The following CNTN4 variants were observed in gnomAD, a reference collection of about 807,000 sequenced individuals.
CNTN4 encodes the protein contactin-4.
Under a neutral mutation model 122.5 loss-of-function variants are expected in CNTN4, and 77 were observed. The ratio of observed to expected loss-of-function variants is 0.63; its 90% confidence interval spans 0.52 to 0.76. The LOEUF is 0.76. Among genes scored for constraint, CNTN4 ranks in the 30% least tolerant of loss-of-function variants. The pLI, the probability that CNTN4 is intolerant of heterozygous loss-of-function variation, is 0.00. For synonymous variants in CNTN4, 512 were observed against 447.0 expected (o/e 1.15, Z -1.83); for missense variants, 1,256 against 1,259.1 (o/e 1.00, Z 0.04).
chr3:2,774,787 T>C (rs1162083289), intron 6 of CNTN4, among the ~76,000 whole-genome samples: 1 of 152,228 alleles, frequency 6.6e-6, no homozygotes, highest in Admixed American at 6.5e-5. Context: ...GACAACATCA[T>C]TTGGTTTCAA....
intron 4 of CNTN4, among the ~76,000 whole-genome samples, chr3:2,650,653 A>G (rs1318278554): frequency 1.3e-5 from 2 of 152,240 alleles, no homozygotes; most frequent in Non-Finnish European, 2.9e-5. Flanking sequence ...CTGATCAGTC[A>G]GCAGCCATCT....
At chr3:2,255,656 A>G (rs2040557151) in intron 2 of CNTN4, among the ~76,000 whole-genome samples, 1 of 152,180 alleles carries the variant, frequency 6.6e-6, no homozygotes, top group Admixed American at 6.5e-5. Flanking sequence ...GCACAACTAC[A>G]TGGAAACTGA....
chr3:2,967,698 G>GA (rs1368885105), intron 13 of CNTN4, among the ~76,000 whole-genome samples: 1 of 151,912 alleles, frequency 6.6e-6, no homozygotes, highest in Non-Finnish European at 1.5e-5. Flanking sequence ...TTTTTCAGAG[G>GA]AAAAAACTAT....
intron 3 of CNTN4, among the ~76,000 whole-genome samples, chr3:2,429,872 C>A (rs1279363003): frequency 6.6e-6 from 1 of 152,146 alleles, no homozygotes; most frequent in Non-Finnish European, 1.5e-5. Flanking sequence ...GGGCATGGGA[C>A]CCTCCAAGCC....
At chr3:2,294,003 C>T (rs1455063639) in intron 2 of CNTN4, among the ~76,000 whole-genome samples, 1 of 152,138 alleles carries the variant, frequency 6.6e-6, no homozygotes, top group Non-Finnish European at 1.5e-5. Context: ...CTGTTTCTAG[C>T]AGTTGAGTTG....
In CNTN4 at chr3:2,585,582, C is replaced by T. The variant is rs138654488; in HGVS notation, c.55+14024C>T. On this transcript the variant is annotated intron_variant, in intron 4 of 24. Transcript: ENST00000418658. ...GAAACCATCATTCTGAGCAAACTAT[C>T]GCATGGACAAAAAACCAAACACTGC... Among the ~76,000 whole-genome samples, 765 of 151,194 alleles carry T rather than the reference C, an allele frequency of 5.1e-3. 8 individuals carry two copies. Among genetic ancestry groups the T allele is most frequent in the East Asian group, 0.022 (113 of 5,096 alleles).
intron 2 of CNTN4, among the ~76,000 whole-genome samples, chr3:2,177,487 T>C (rs2036802778): frequency 6.6e-6 from 1 of 152,260 alleles, no homozygotes; most frequent in Non-Finnish European, 1.5e-5. Flanking sequence ...AATTCCTCCA[T>C]ACATATGAAT....
intron 13 of CNTN4, among the ~76,000 whole-genome samples, chr3:2,976,954 A>G (rs1577471824): frequency 6.6e-6 from 1 of 152,122 alleles, no homozygotes; most frequent in African/African-American, 2.4e-5. Context: ...ATGCCAATTA[A>G]TCTGCCAGGC....
In CNTN4 at chr3:2,841,749, G is replaced by GAT. The variant is rs2093365746; in HGVS notation, c.454+22170_454+22171dup. Among the ~76,000 whole-genome samples the GAT allele has an allele frequency of 6.6e-6, 1 of 152,152 alleles. No individual in the cohort carries two copies. Among genetic ancestry groups the GAT allele is most frequent in the South Asian group, 2.1e-4 (1 of 4,824 alleles). On this transcript the variant is annotated intron_variant, in intron 7 of 24. Coordinates refer to ENST00000418658, the MANE Select transcript of CNTN4 (RefSeq NM_175607.3). The surrounding 1 kb of genome is among the most constrained non-coding windows in gnomAD (Gnocchi z 4.8). ...GTTATTAAAAATATGTTTCACTCATGATAACATGATCATTTTCAGGAATTT... is the reference window on the plus strand; with the variant it reads ...GTTATTAAAAATATGTTTCACTCATGATATAACATGATCATTTTCAGGAATTT...
chr3:2,417,457 T>C (rs1277299652), intron 3 of CNTN4, among the ~76,000 whole-genome samples: 2 of 152,228 alleles, frequency 1.3e-5, no homozygotes, highest in African/African-American at 4.8e-5. Context: ...CCTGCTTCAC[T>C]TTGGGGTCAT....
chr3:2,893,697 G>A (rs112614719), intron 10 of CNTN4, among the ~76,000 whole-genome samples: 5 of 152,130 alleles, frequency 3.3e-5, no homozygotes, highest in African/African-American at 1.2e-4. Context: ...ACAATATATT[G>A]AAATGCAATT....
intron 6 of CNTN4, among the ~76,000 whole-genome samples, chr3:2,786,656 C>G (rs1367732363): frequency 6.6e-6 from 1 of 152,212 alleles, no homozygotes; most frequent in Admixed American, 6.5e-5. Flanking sequence ...AAACCCATCT[C>G]TATCATTTTA....
At chr3:2,741,415 G>A (rs955027167) in intron 5 of CNTN4, among the ~76,000 whole-genome samples, 1 of 152,152 alleles carries the variant, frequency 6.6e-6, no homozygotes, top group African/African-American at 2.4e-5. Context: ...ATTCCAGAAA[G>A]TAAGAAAACA....
In CNTN4 at chr3:2,709,525, G is replaced by C. The variant is rs541277407; in HGVS notation, c.56-26690G>C. Reference sequence around the variant, plus strand: ...TTTATATCGTTTGCCTCAGGCTAAAGATTTATGCCAGACTTCTAGACCAGT... The same window carrying C: ...TTTATATCGTTTGCCTCAGGCTAAACATTTATGCCAGACTTCTAGACCAGT... On this transcript the variant is annotated intron_variant, in intron 4 of 24. Coordinates refer to ENST00000418658, the MANE Select transcript of CNTN4 (RefSeq NM_175607.3). The surrounding 1 kb of genome is among the most constrained non-coding windows in gnomAD (Gnocchi z 5.0). Among the ~76,000 whole-genome samples, 1 of 152,156 alleles carries C rather than the reference G, an allele frequency of 6.6e-6. No homozygotes were observed. Among genetic ancestry groups the C allele is most frequent in the Non-Finnish European group, 1.5e-5 (1 of 68,022 alleles).
intron 4 of CNTN4, among the ~76,000 whole-genome samples, chr3:2,654,239 C>T (rs911970892): frequency 6.6e-6 from 1 of 152,172 alleles, no homozygotes; most frequent in Admixed American, 6.5e-5. Context: ...TGGCAATGGC[C>T]AGTTGTTTCT....
intron 2 of CNTN4, among the ~76,000 whole-genome samples, chr3:2,322,478 C>A (rs1426548736): frequency 6.6e-6 from 1 of 152,018 alleles, no homozygotes; most frequent in Non-Finnish European, 1.5e-5. Context: ...ACATGTAAGG[C>A]ACCCAGAGTA....
intron 2 of CNTN4, among the ~76,000 whole-genome samples, chr3:2,221,261 T>G (rs2039050285): frequency 5.3e-5 from 8 of 152,118 alleles, no homozygotes; most frequent in Admixed American, 5.2e-4. Context: ...ACATTTGTTT[T>G]TCCTCTGAGG....
At chr3:3,012,064 C>G (rs1323071349) in intron 14 of CNTN4, among the ~76,000 whole-genome samples, 3 of 152,126 alleles carry the variant, frequency 2.0e-5, no homozygotes, top group African/African-American at 7.2e-5. Context: ...TAGTAAGGGG[C>G]AGAGCTAAAA....
chr3:2,798,128 T>G (rs1025792227), intron 6 of CNTN4, among the ~76,000 whole-genome samples: 1 of 150,888 alleles, frequency 6.6e-6, no homozygotes, highest in African/African-American at 2.4e-5. Flanking sequence ...TATGTTGATA[T>G]GTACACACGT....
Sources: gnomAD v4.1 joint callset for allele counts (sites outside exome capture counted in the v4.1 genomes callset) on GRCh38, gnomAD v4.1.1 for gene constraint, Gnocchi (gnomAD v3.1) non-coding constraint, MANE v1.5 for transcripts, NCBI Gene and HGNC (gene_info 2026-07-23, HGNC 2026-07-21) for gene names.